Variants in FIGN observed in about 807,000 individuals in gnomAD.
FIGN encodes fidgetin, microtubule severing factor.
In FIGN, 11 loss-of-function variants were observed where a neutral mutation model predicts 51.3. The ratio of observed to expected loss-of-function variants is 0.21; its 90% CI spans 0.13 to 0.35. The LOEUF (loss-of-function observed/expected upper bound fraction) is 0.35. Among genes scored for constraint, FIGN ranks in the 10% least tolerant of loss-of-function variants. The probability of loss-of-function intolerance (pLI) is 1.00; values close to 1 mark genes in which losing one functional copy is unlikely to be tolerated. For synonymous variants in FIGN, 407 were observed against 363.2 expected (o/e 1.12, Z -1.37); for missense variants, 857 against 943.6 (o/e 0.91, Z 1.20).
chr2:163,686,886 C>A (rs1684159354), intron 2 of FIGN, among the ~76,000 whole-genome samples: 1 of 151,218 alleles, frequency 6.6e-6, no homozygotes, highest in African/African-American at 2.4e-5. Flanking sequence ...ACTTTCCAAG[C>A]AGGAGGCCAA....
At chr2:163,721,615 A>T (rs752194819) in intron 2 of FIGN, among the ~76,000 whole-genome samples, 3 of 152,214 alleles carry the variant, frequency 2.0e-5, no homozygotes, top group Non-Finnish European at 2.9e-5. Flanking sequence ...ATTATAGCTC[A>T]CTAAATGGCA....
At chr2:163,635,292 G>A (rs983931134) in intron 2 of FIGN, among the ~76,000 whole-genome samples, 2 of 152,192 alleles carry the variant, frequency 1.3e-5, no homozygotes, top group Admixed American at 1.3e-4. Flanking sequence ...TATGGGCTGG[G>A]TGTAGTGGTT....
chr2:163,704,648 TCTCTCTCTCACACA>T (rs1354043481), intron 2 of FIGN, among the ~76,000 whole-genome samples: 7 of 132,962 alleles, frequency 5.3e-5, no homozygotes, highest in African/African-American at 2.1e-4. Flanking sequence ...TCTCTCTCTC[TCTCTCTCTCACACA>T]CACACACACA....
chr2:163,675,913 G>A (rs1323472221), intron 2 of FIGN, among the ~76,000 whole-genome samples: 1 of 150,148 alleles, frequency 6.7e-6, no homozygotes, highest in Non-Finnish European at 1.5e-5. Flanking sequence ...CAGGAATCTT[G>A]TACCGCAAAG....
At chr2:163,699,287 A>T (rs1684370867) in intron 2 of FIGN, among the ~76,000 whole-genome samples, 1 of 152,142 alleles carries the variant, frequency 6.6e-6, no homozygotes, top group Non-Finnish European at 1.5e-5. Context: ...AATTAAGATA[A>T]TTTTTTTAAA....
intron 2 of FIGN, among the ~76,000 whole-genome samples, chr2:163,682,188 A>G (rs2105339716): frequency 6.6e-6 from 1 of 152,390 alleles, no homozygotes; most frequent in Admixed American, 6.5e-5. Flanking sequence ...TAAAATGAAA[A>G]TAACGTGAGT....
intron 2 of FIGN, among the ~76,000 whole-genome samples, chr2:163,640,918 C>T (rs2105316308): frequency 6.6e-6 from 1 of 152,314 alleles, no homozygotes; most frequent in Non-Finnish European, 1.5e-5. Flanking sequence ...CAAAGAGTCT[C>T]TTCCTTGTCC....
chr2:163,641,546 C>T (rs1035940793), intron 2 of FIGN, among the ~76,000 whole-genome samples: 6 of 152,188 alleles, frequency 3.9e-5, no homozygotes, highest in East Asian at 1.9e-4. Flanking sequence ...ATCTAGGAAA[C>T]GTTCCATTAT....
rs3058760 is a variant in FIGN, at chr2:163,655,804, C to CAG, written c.26-44000_26-43999dup. On this transcript the variant is annotated intron_variant, in intron 2 of 2. Coordinates refer to ENST00000333129, the MANE Select transcript of FIGN (RefSeq NM_018086.4). ...ACACACGCACACACACACACACACA[C>CAG]AGAGAGAGAGAGAGAGAGAGAGAGC... Among the ~76,000 whole-genome samples the CAG allele has an allele frequency of 6.4e-3, 939 of 145,706 alleles. 4 individuals carry two copies. Among genetic ancestry groups the CAG allele is most frequent in the Middle Eastern group, 0.01 (3 of 286 alleles).
intron 2 of FIGN, among the ~76,000 whole-genome samples, chr2:163,710,699 T>G (rs1296592624): frequency 1.3e-5 from 2 of 152,162 alleles, no homozygotes; most frequent in Non-Finnish European, 2.9e-5. Context: ...AACCCACTCT[T>G]TAACTTATGA....
intron 2 of FIGN, among the ~76,000 whole-genome samples, chr2:163,725,998 A>T (rs1048052843): frequency 4.6e-5 from 7 of 152,134 alleles, no homozygotes; most frequent in Admixed American, 4.6e-4. Context: ...GAGTAAATTG[A>T]TATCGATGAT....
chr2:163,656,589 A>G lies in FIGN; in HGVS notation c.26-44783T>C, dbSNP rs568780816. On this transcript the variant is annotated intron_variant, in intron 2 of 2. Transcript: ENST00000333129. Reference sequence around the variant, plus strand: ...AGATTGCCTCCACCTCCCCAATCAGAAAAACTGGGACACTAGATGTGGCAT... The same window carrying G: ...AGATTGCCTCCACCTCCCCAATCAGGAAAACTGGGACACTAGATGTGGCAT... Among the ~76,000 whole-genome samples the G allele has an allele frequency of 2.6e-5, 4 of 152,232 alleles. No homozygotes were observed. The East Asian group carries it at 7.7e-4, about 29-fold the overall frequency.
At chr2:163,679,483 G>A (rs1034998460) in intron 2 of FIGN, among the ~76,000 whole-genome samples, 1 of 143,652 alleles carries the variant, frequency 7.0e-6, no homozygotes, top group African/African-American at 2.7e-5. Flanking sequence ...GCGACACTGC[G>A]AGACTCCGTC....
At chr2:163,636,593 G>T (rs1013127012) in intron 2 of FIGN, among the ~76,000 whole-genome samples, 1 of 152,132 alleles carries the variant, frequency 6.6e-6, no homozygotes, top group African/African-American at 2.4e-5. Flanking sequence ...CTCTAATGGT[G>T]ATATTATAAT....
Position 163,610,743 on chromosome 2 carries a change from A to G in FIGN, c.1089T>C (p.Asn363=), listed in dbSNP as rs747092129. ...DNSISNTNRG[N]GFDRSAETSS... is the part of the protein sequence containing the mutation. ...ATGTTTCAGCACTTCTGTCAAAGCC[A>G]TTCCCCCGATTTGTGTTTGAAATGC... Residue 363 remains asparagine, a synonymous_variant, in exon 3 of 3, where the codon AAT becomes AAC. Coordinates refer to ENST00000333129, the MANE Select transcript of FIGN (RefSeq NM_018086.4). 19 of 1,614,178 alleles carry G rather than the reference A, an allele frequency of 1.2e-5. No individual in the cohort carries two copies. Among genetic ancestry groups the G allele is most frequent in the Non-Finnish European group, 1.5e-5 (18 of 1,180,018 alleles).
intron 2 of FIGN, among the ~76,000 whole-genome samples, chr2:163,718,781 T>G (rs1345631487): frequency 2.0e-5 from 3 of 151,988 alleles, no homozygotes; most frequent in Non-Finnish European, 4.4e-5. Context: ...ATTGTATGTT[T>G]CGAGTGCCTA....
At chr2:163,661,219 A>C (rs1373298577) in intron 2 of FIGN, among the ~76,000 whole-genome samples, 1 of 151,048 alleles carries the variant, frequency 6.6e-6, no homozygotes, top group Non-Finnish European at 1.5e-5. Context: ...TATTAACTTT[A>C]AAATGATTAT....
At chr2:163,702,861 A>G (rs1684430869) in intron 2 of FIGN, among the ~76,000 whole-genome samples, 1 of 152,094 alleles carries the variant, frequency 6.6e-6, no homozygotes, top group Non-Finnish European at 1.5e-5. Flanking sequence ...CTATAATAAA[A>G]TGGTAATAAA....
At chr2:163,734,591 T>G (rs915385275) in intron 2 of FIGN, among the ~76,000 whole-genome samples, 1 of 147,506 alleles carries the variant, frequency 6.8e-6, no homozygotes, top group African/African-American at 2.5e-5. Flanking sequence ...ACACTGAGTT[T>G]AACTAATTTA....
Sources: allele counts gnomAD v4.1 joint callset (sites outside exome capture counted in the v4.1 genomes callset), GRCh38; gene constraint gnomAD v4.1.1; transcripts MANE v1.5; gene names NCBI Gene and HGNC (gene_info 2026-07-23, HGNC 2026-07-21).